Variants in DNAH8 observed in about 807,000 individuals in gnomAD.
DNAH8 encodes the protein axonemal beta dynein heavy chain 8.
A neutral mutation model predicts 562.1 loss-of-function variants in DNAH8; 382 were observed. The ratio of observed to expected loss-of-function variants is 0.68; its 90% CI spans 0.63 to 0.74. The LOEUF (loss-of-function observed/expected upper bound fraction) is 0.74. Among genes scored for constraint, DNAH8 ranks in the 30% least tolerant of loss-of-function variants. The pLI is 0.00. For missense variants in DNAH8, 5,203 were observed against 5,620.4 expected, an observed-to-expected ratio of 0.93 and a Z score of 2.37; for synonymous variants, 1,881 against 1,919.4, an observed-to-expected ratio of 0.98 and a Z score of 0.52.
intron 53 of DNAH8, among the ~76,000 whole-genome samples, chr6:38,878,095 C>G (rs1374886256): frequency 2.0e-5 from 3 of 152,064 alleles, no homozygotes; most frequent in Non-Finnish European, 4.4e-5. Context: ...GAGGAAGTGT[C>G]AGAGAACAAC....
At chr6:39,011,547 T>C (rs1036938090) in intron 89 of DNAH8, among the ~76,000 whole-genome samples, 18 of 152,366 alleles carry the variant, frequency 1.2e-4, no homozygotes, top group Non-Finnish European at 2.2e-4. Flanking sequence ...CATTGGCTTG[T>C]TTTCCAATAA....
Position 38,926,127 on chromosome 6 carries a change from G to A in DNAH8, c.11035G>A (p.Ala3679Thr), listed in dbSNP as rs1035761681. The change falls in exon 74 of 93, where the codon GCC becomes ACC. Residue 3679 changes from alanine to threonine, a missense_variant. Around this residue, in one of 6 missense-constraint regions of DNAH8, gnomAD observed 1,399 missense variants for 1,518.4 expected, o/e 0.92. Coordinates refer to ENST00000327475, the MANE Select transcript of DNAH8 (RefSeq NM_001206927.2). ...TCAGAATGGCATTATTGTGACAAAGGCCACCAGATACCCACTCCTCATAGA... is the reference window on the plus strand; with the variant it reads ...TCAGAATGGCATTATTGTGACAAAGACCACCAGATACCCACTCCTCATAGA... ...SIQNGIIVTKATRYPLLIDPQ... is the reference protein window; with the variant it reads ...SIQNGIIVTKTTRYPLLIDPQ... 4.3e-6 allele frequency: 7 copies of A among 1,613,668 alleles called. No homozygotes were observed. Among genetic ancestry groups the A allele is most frequent in the Admixed American group, 1.7e-5 (1 of 59,976 alleles).
intron 36 of DNAH8, 28 bp downstream of exon 36, chr6:38,845,801 T>G (rs1338579801): frequency 1.3e-6 from 2 of 1,548,280 alleles, no homozygotes; most frequent in Non-Finnish European, 1.8e-6. Flanking sequence ...GAGAGAGATT[T>G]AAATGGGATA....
chr6:38,937,970 T>C lies in DNAH8; in HGVS notation c.11564-4T>C. The stretch of plus-strand genomic sequence containing the variant: ...TACTACGGTTTTCCTGTTTTGAATT[T>C]CAGGCTCATTGGTAGATGACGAATC... On this transcript the variant is annotated splice_region_variant and splice_polypyrimidine_tract_variant and intron_variant, in intron 77 of 92. Coordinates refer to ENST00000327475, the MANE Select transcript of DNAH8 (RefSeq NM_001206927.2). 6.2e-7 allele frequency: 1 copy of C among 1,613,398 alleles called. No individual in the cohort carries two copies. The highest frequency in any genetic ancestry group is 8.5e-7 in the Non-Finnish European group (1 of 1,179,440).
chr6:39,000,334 G>A (rs1765406413), intron 88 of DNAH8, among the ~76,000 whole-genome samples: 1 of 152,174 alleles, frequency 6.6e-6, no homozygotes, highest in South Asian at 2.1e-4. Flanking sequence ...ATCAAAGAAA[G>A]CTAGTGAGAC....
At chr6:38,848,117 T>C (rs1775444721) in intron 36 of DNAH8, among the ~76,000 whole-genome samples, 1 of 152,198 alleles carries the variant, frequency 6.6e-6, no homozygotes, top group African/African-American at 2.4e-5. Flanking sequence ...AACCCTCTCC[T>C]GATCTTTAGG....
chr6:38,908,013 G>C lies in DNAH8; in HGVS notation c.9406G>C (p.Val3136Leu). The C allele has an allele frequency of 6.2e-7, 1 of 1,612,632 alleles. No individual in the cohort carries two copies. The highest frequency in any genetic ancestry group is 8.5e-7 in the Non-Finnish European group (1 of 1,179,504). The change falls in exon 64 of 93, where the codon GTG (valine) becomes CTG (leucine). Residue 3136 changes from valine to leucine, a missense_variant. This residue lies in a region of DNAH8 where 977 missense variants were observed against 1,061.8 expected (regional missense o/e 0.92). Transcript: ENST00000327475. ...MDEITQGLIS[V>L]MKRELPRHPP... ...TGAAATCACCCAAGGTCTGATTTCA[G>C]TGATGAAGAGGGAGCTACCTCGCCA... is the stretch of plus-strand genomic sequence containing the variant.
chr6:38,906,406 A>T lies in DNAH8; in HGVS notation c.9347A>T (p.Glu3116Val), dbSNP rs1780482712. 3.2e-6 allele frequency: 5 copies of T among 1,574,888 alleles called. No individual in the cohort carries two copies. The East Asian group carries it at 1.1e-4, about 35-fold the overall frequency. ...CTTAACAACTTGCTATCTTCAGGGG[A>T]GGTAAGTCTCAAAAGTAGAGAAAAA... is the stretch of plus-strand genomic sequence containing the variant. Reference protein sequence around the residue: ...EYLNNLLSSGEISNLFARDEM... With the variant: ...EYLNNLLSSGVISNLFARDEM... The change falls in exon 63 of 93, where the codon GAG becomes GTG. Residue 3116 changes from glutamate (E) to valine (V), a missense_variant and splice_region_variant. Glu to Val is a moderately radical substitution (Grantham distance 121, BLOSUM62 -2). Around this residue, in one of 6 missense-constraint regions of DNAH8, gnomAD observed 977 missense variants for 1,061.8 expected, o/e 0.92. Transcript: ENST00000327475.
chr6:38,866,978 A>C (rs1456698115), intron 47 of DNAH8, 102 bp downstream of exon 47: 1 of 626,840 alleles, frequency 1.6e-6, no homozygotes, highest in Admixed American at 3.1e-5. Context: ...AATCTCATTG[A>C]CTCTTTTCTA....
At position 38,840,676 on chromosome 6, in the gene DNAH8, T is replaced by G. The variant is rs79340917; in HGVS notation, c.4467-1692T>G. ...GGAATGCTGCTTTCTCTTTCCTGTTTAATACTTGGGAAACACATTTCTTTG... is the reference window on the plus strand; with the variant it reads ...GGAATGCTGCTTTCTCTTTCCTGTTGAATACTTGGGAAACACATTTCTTTG... On this transcript the variant is annotated intron_variant, in intron 33 of 92. Transcript: ENST00000327475. Among the ~76,000 whole-genome samples, 499 of 152,318 alleles carry G rather than the reference T, an allele frequency of 3.3e-3. 3 individuals carry two copies. Among genetic ancestry groups the G allele is most frequent in the African/African-American group, 0.011 (475 of 41,574 alleles).
At chr6:38,998,327 C>G (rs1380444684) in intron 88 of DNAH8, among the ~76,000 whole-genome samples, 1 of 152,144 alleles carries the variant, frequency 6.6e-6, no homozygotes, top group Non-Finnish European at 1.5e-5. Flanking sequence ...TGAAAATACA[C>G]AGTTTATTCA....
chr6:38,779,332 G>A (rs937075442), intron 14 of DNAH8, among the ~76,000 whole-genome samples: 2 of 152,118 alleles, frequency 1.3e-5, no homozygotes, highest in African/African-American at 4.8e-5. Context: ...CAGATGGCAG[G>A]TACCATTTTC....
At chr6:38,921,599 A>T in intron 71 of DNAH8, 93 bp downstream of exon 71, 2 of 1,399,148 alleles carry the variant, frequency 1.4e-6, no homozygotes. Flanking sequence ...GGTTGTGATG[A>T]AAAAATATTG....
intron 80 of DNAH8, among the ~76,000 whole-genome samples, chr6:38,946,906 G>A (rs1023126853): frequency 3.9e-4 from 59 of 152,142 alleles, no homozygotes; most frequent in Non-Finnish European, 5.7e-4. Flanking sequence ...TGAAGCCCAC[G>A]CCCTCTAATG....
chr6:38,741,712 T>C lies in DNAH8; in HGVS notation c.1118T>C (p.Val373Ala). Residue 373 changes from valine to alanine, a missense_variant and splice_region_variant, in exon 8 of 93, where the codon GTA becomes GCA. Around this residue, in one of 6 missense-constraint regions of DNAH8, gnomAD observed 556 missense variants for 496.9 expected, o/e 1.12. Transcript: ENST00000327475. ...TTTTATAAATTTTTTTGACTGCAGG[T>C]ACTTATTGAGAGTGAGCAGATGAGA... Reference protein sequence around the residue: ...LMVWYKQIEQVLIESEQMRKE... With the variant: ...LMVWYKQIEQALIESEQMRKE... 10 of 1,600,786 alleles carry C rather than the reference T, an allele frequency of 6.2e-6. No individual in the cohort carries two copies. The highest frequency in any genetic ancestry group is 8.5e-6 in the Non-Finnish European group (10 of 1,175,792).
chr6:39,012,414 T>C (rs777955293), intron 90 of DNAH8, 34 bp from the exon 91 acceptor site: 5 of 1,608,596 alleles, frequency 3.1e-6, no homozygotes, highest in Non-Finnish European at 3.4e-6. Flanking sequence ...TGTTGATGTT[T>C]CTTATTCATG....
In DNAH8 at chr6:38,890,611, C is replaced by A. The variant is rs1356416299; in HGVS notation, c.8474-41C>A. ...CTGGGATAAACATATACTTGGAAATCTTTTGGTAAGCTTATACCTTCAATC... is the reference window on the plus strand; with the variant it reads ...CTGGGATAAACATATACTTGGAAATATTTTGGTAAGCTTATACCTTCAATC... On this transcript the variant is annotated intron_variant, in intron 57 of 92. Coordinates refer to ENST00000327475, the MANE Select transcript of DNAH8 (RefSeq NM_001206927.2). 3 of 1,390,270 alleles carry A rather than the reference C, an allele frequency of 2.2e-6. No homozygotes were observed. In the South Asian group the frequency reaches 3.5e-5, roughly 16 times the overall value. 86.1% of individuals were successfully genotyped at this position (1,390,270 alleles called of 1,614,324 possible).
intron 21 of DNAH8, among the ~76,000 whole-genome samples, chr6:38,793,563 G>A (rs1346623445): frequency 6.6e-6 from 1 of 151,894 alleles, no homozygotes; most frequent in African/African-American, 2.4e-5. Flanking sequence ...ACATTTAACT[G>A]TGTTTTATTT....
In DNAH8 at chr6:38,738,584, G is replaced by GCC. The variant is rs1764286435; in HGVS notation, c.1116+617_1116+618dup. Among the ~76,000 whole-genome samples, 3 of 152,078 alleles carry GCC rather than the reference G, an allele frequency of 2.0e-5. No individual in the cohort carries two copies. In the South Asian group the frequency reaches 6.2e-4, roughly 32 times the overall value. ...AAACAGAAAGAGGATTCTAGGAACC[G>GCC]CCCCCCAGATCTCTAGTTCATCAGC... On this transcript the variant is annotated intron_variant, in intron 7 of 92. Coordinates refer to ENST00000327475, the MANE Select transcript of DNAH8 (RefSeq NM_001206927.2).
Sources: gnomAD v4.1 joint callset for allele counts (sites outside exome capture counted in the v4.1 genomes callset) on GRCh38, gnomAD v4.1.1 for gene constraint, gnomAD v4.1.1 regional missense constraint, MANE v1.5 for transcripts, NCBI Gene and HGNC (gene_info 2026-07-23, HGNC 2026-07-21) for gene names.